The following MMP26 variants were observed in gnomAD, a reference collection of about 807,000 sequenced individuals.
MMP26 encodes the protein matrix metallopeptidase 26, also known as matrix metalloproteinase-26.
A neutral mutation model predicts 31.0 loss-of-function variants in MMP26; 33 were observed. That is an observed-to-expected ratio of 1.06 (90% CI 0.81 to 1.42). The LOEUF (loss-of-function observed/expected upper bound fraction) is 1.42. Ranked by LOEUF, MMP26 falls within the 40% of genes most tolerant of loss-of-function variation. The pLI, the probability that MMP26 is intolerant of heterozygous loss-of-function variation, is 0.00. For missense variants in MMP26, 347 were observed against 316.1 expected (o/e 1.10, Z -0.74); for synonymous variants, 122 against 114.9 (o/e 1.06, Z -0.40).
intron 2 of MMP26, among the ~76,000 whole-genome samples, chr11:4,767,799 C>T (rs7952653): frequency 0.19 from 28,196 of 152,100 alleles, 3,993 homozygotes; most frequent in African/African-American, 0.4. Flanking sequence ...ATTTCTTCCA[C>T]CTATCACTAT....
At chr11:4,723,448 A>G in intron 1 of MMP26, 2 of 1,037,810 alleles carry the variant, frequency 1.9e-6, no homozygotes, top group South Asian at 2.5e-5. Context: ...GTCCATGGAC[A>G]GCACCACAGA....
At chr11:4,848,746 C>A in intron 2 of MMP26, 1 of 1,613,802 alleles carries the variant, frequency 6.2e-7, no homozygotes, top group Non-Finnish European at 8.5e-7. Context: ...AAAGAAATGG[C>A]CAGGCTGATT....
chr11:4,959,746 C>T (rs3906665), intron 2 of MMP26, among the ~76,000 whole-genome samples: 55,340 of 151,916 alleles, frequency 0.36, 10,287 homozygotes, highest in South Asian at 0.58. Flanking sequence ...GTTACAAGAC[C>T]CTTAGAGGTT....
chr11:4,865,816 A>T lies in MMP26; in HGVS notation c.-145+98475A>T, dbSNP rs147443014. 1.2e-3 allele frequency among the ~76,000 whole-genome samples: 181 copies of T among 152,246 alleles called. 1 individual carries two copies. The highest frequency in any genetic ancestry group is 4.1e-3 in the African/African-American group (170 of 41,572). On this transcript the variant is annotated intron_variant, in intron 2 of 7. Transcript: ENST00000380390. The stretch of plus-strand genomic sequence containing the variant: ...TAGGAAATAAAGAAGCGCCATCCAC[A>T]GTTTTAGTAGCCTGAGTTTGCAAGC...
At chr11:4,965,575 G>A (rs1846581893) in intron 2 of MMP26, among the ~76,000 whole-genome samples, 2 of 152,128 alleles carry the variant, frequency 1.3e-5, no homozygotes, top group Admixed American at 1.3e-4. Context: ...TCTTTGAGAT[G>A]ATTCTTTTTA....
chr11:4,934,163 T>C (rs1851396059), intron 2 of MMP26, among the ~76,000 whole-genome samples: 2 of 137,378 alleles, frequency 1.5e-5, no homozygotes, highest in Admixed American at 7.5e-5. Flanking sequence ...ACTTCCACAA[T>C]GGTTGAACTA....
At chr11:4,900,909 G>A (rs942138935) in intron 2 of MMP26, among the ~76,000 whole-genome samples, 5 of 152,184 alleles carry the variant, frequency 3.3e-5, no homozygotes, top group South Asian at 2.1e-4. Context: ...TGATTTGTCC[G>A]TGGGATGTAT....
intron 1 of MMP26, among the ~76,000 whole-genome samples, chr11:4,708,506 A>G (rs1323821425): frequency 6.6e-6 from 1 of 152,192 alleles, no homozygotes; most frequent in African/African-American, 2.4e-5. Context: ...AGCAAGTCTA[A>G]TTCTAATGCA....
intron 2 of MMP26, among the ~76,000 whole-genome samples, chr11:4,869,216 T>C (rs568589512): frequency 1.3e-5 from 2 of 152,006 alleles, no homozygotes; most frequent in African/African-American, 4.8e-5. Context: ...AATGGACAAA[T>C]GGGATCTAAT....
intron 1 of MMP26, among the ~76,000 whole-genome samples, chr11:4,707,986 C>G (rs1847804294): frequency 6.6e-6 from 1 of 152,198 alleles, no homozygotes; most frequent in Non-Finnish European, 1.5e-5. Context: ...CCCCAGCACT[C>G]TGTCCTCAGA....
chr11:4,847,479 TA>T, intron 2 of MMP26: 1 of 152,352 alleles, frequency 6.6e-6, no homozygotes, highest in South Asian at 2.1e-4. Context: ...AATTAAATTT[TA>T]TTTTAAACTG....
At chr11:4,908,272 G>T in intron 2 of MMP26, 1 of 1,614,066 alleles carries the variant, frequency 6.2e-7, no homozygotes, top group Non-Finnish European at 8.5e-7. Flanking sequence ...TCTGGGAGAA[G>T]ATCTTGGGGA....
Position 4,972,110 on chromosome 11 carries a change from T to G in MMP26, c.-144-15958T>G, listed in dbSNP as rs559213802. ...TCTTGCTATCAGCAAGCCAGAATTATCACATATCAAGTGGGAATGGTAGAA... is the reference window on the plus strand; with the variant it reads ...TCTTGCTATCAGCAAGCCAGAATTAGCACATATCAAGTGGGAATGGTAGAA... On this transcript the variant is annotated intron_variant, in intron 2 of 7. Transcript: ENST00000380390. 2.4e-4 allele frequency among the ~76,000 whole-genome samples: 37 copies of G among 152,256 alleles called. 1 individual carries two copies. The South Asian group carries it at 6.8e-3, about 28-fold the overall frequency.
intron 2 of MMP26, among the ~76,000 whole-genome samples, chr11:4,866,033 A>T (rs1026366018): frequency 6.6e-6 from 1 of 152,154 alleles, no homozygotes; most frequent in African/African-American, 2.4e-5. Flanking sequence ...ACACCACTCA[A>T]ATCAATCAGT....
At chr11:4,821,635 G>C (rs1284404376) in intron 2 of MMP26, 9 of 1,613,930 alleles carry the variant, frequency 5.6e-6, no homozygotes, top group Admixed American at 1.7e-5. Flanking sequence ...TTCAGCCACA[G>C]ACCTGAGCTT....
At chr11:4,719,489 T>C (rs1399689754) in intron 1 of MMP26, 3 of 153,884 alleles carry the variant, frequency 1.9e-5, no homozygotes, top group Admixed American at 6.5e-5. Context: ...AACCCCATCA[T>C]CTACAGTGTG....
chr11:4,743,214 G>A (rs1177428700), intron 1 of MMP26, among the ~76,000 whole-genome samples: 7 of 152,086 alleles, frequency 4.6e-5, no homozygotes, highest in Non-Finnish European at 7.3e-5. Context: ...GCTCTTCATA[G>A]TCATATAAAT....
intron 2 of MMP26, among the ~76,000 whole-genome samples, chr11:4,784,663 G>A (rs1285374593): frequency 6.6e-6 from 1 of 152,198 alleles, no homozygotes; most frequent in African/African-American, 2.4e-5. Flanking sequence ...TGGAGAGTGT[G>A]TGGGCTCTTG....
intron 2 of MMP26, among the ~76,000 whole-genome samples, chr11:4,785,708 A>G (rs1848933889): frequency 6.6e-6 from 1 of 152,230 alleles, no homozygotes; most frequent in Admixed American, 6.5e-5. Flanking sequence ...GCAGCTTTTA[A>G]CAAACAGCCT....
Sources: allele counts gnomAD v4.1 joint callset (sites outside exome capture counted in the v4.1 genomes callset), GRCh38; gene constraint gnomAD v4.1.1; transcripts MANE v1.5; gene names NCBI Gene and HGNC (gene_info 2026-07-23, HGNC 2026-07-21).